The following MBOAT7 variants were observed in gnomAD, a reference collection of about 807,000 sequenced individuals.
The protein encoded by MBOAT7 is membrane bound acylglycerophosphatidylinositol O-acyltransferase MBOAT7.
In MBOAT7, 40 loss-of-function variants were observed where a neutral mutation model predicts 47.4. That is an observed-to-expected ratio of 0.84 (90% CI 0.66 to 1.10). The LOEUF is 1.10. Among genes scored for constraint, MBOAT7 ranks in the 50% least tolerant of loss-of-function variants. The pLI is 0.00. For missense variants in MBOAT7, 680 were observed against 655.6 expected (o/e 1.04, Z -0.41); for synonymous variants, 361 against 292.0 (o/e 1.24, Z -2.41).
intron 6 of MBOAT7, 74 bp from the exon 7 acceptor site, chr19:54,179,015 C>A: frequency 2.6e-6 from 4 of 1,554,638 alleles, no homozygotes; most frequent in Non-Finnish European, 3.5e-6. Context: ...CTGCTAGTGT[C>A]CCAGCCCCGG....
In MBOAT7 at chr19:54,178,205, C is replaced by T. The variant is rs539457301; in HGVS notation, c.1031+560G>A. On this transcript the variant is annotated intron_variant, in intron 7 of 7. Coordinates refer to ENST00000245615, the MANE Select transcript of MBOAT7 (RefSeq NM_024298.5). ...GATTCCAGGCGTGAGCTGCCGCACC[C>T]GGCTGAGTTTCTGCTTCTAAAGGCT... The T allele has an allele frequency of 5.1e-6, 5 of 986,622 alleles. No individual in the cohort carries two copies. In the South Asian group the frequency reaches 1.4e-4, roughly 28 times the overall value. 61.1% of individuals were successfully genotyped at this position (986,622 alleles called of 1,614,324 possible).
intron 7 of MBOAT7, among the ~76,000 whole-genome samples, chr19:54,175,896 T>C (rs1023252806): frequency 7.2e-5 from 11 of 152,348 alleles, no homozygotes; most frequent in African/African-American, 2.6e-4. Flanking sequence ...GGCTAATTTT[T>C]GTATTTCTGG....
chr19:54,183,702 AG>A (rs749277829), intron 4 of MBOAT7, 22 bp from the exon 5 acceptor site: 1 of 1,527,592 alleles, frequency 6.5e-7, no homozygotes, highest in Non-Finnish European at 8.8e-7. Flanking sequence ...GGGGTGGGCA[AG>A]GGGCCAGGTC....
rs2076401872 is a variant in MBOAT7, at chr19:54,185,385, A to G, written c.334-1705T>C. Among the ~76,000 whole-genome samples, 5 of 152,038 alleles carry G rather than the reference A, an allele frequency of 3.3e-5. No individual in the cohort carries two copies. The South Asian group carries it at 8.3e-4, about 25-fold the overall frequency. On this transcript the variant is annotated intron_variant, in intron 4 of 7. Coordinates refer to ENST00000245615, the MANE Select transcript of MBOAT7 (RefSeq NM_024298.5). ...TACACAACCCTTTTTCCATCCAGGT[A>G]CCACAACCTGACCCATTTCCCCTGG...
intron 3 of MBOAT7, 101 bp downstream of exon 3, chr19:54,188,116 A>G: frequency 8.8e-7 from 1 of 1,136,382 alleles, no homozygotes; most frequent in Non-Finnish European, 1.2e-6. Context: ...TCAACAAGAG[A>G]CAGCTAGACA....
At chr19:54,175,733 T>C (rs1032270606) in intron 7 of MBOAT7, among the ~76,000 whole-genome samples, 2 of 152,062 alleles carry the variant, frequency 1.3e-5, no homozygotes, top group Admixed American at 6.6e-5. Context: ...TATTTTTTGT[T>C]GTTGTTGTTC....
intron 5 of MBOAT7, among the ~76,000 whole-genome samples, chr19:54,182,631 ATT>A (rs1478973077): frequency 6.6e-6 from 1 of 151,940 alleles, no homozygotes; most frequent in Non-Finnish European, 1.5e-5. Flanking sequence ...AATGAAAAAT[ATT>A]TTCTTTTTAA....
chr19:54,175,384 G>C (rs947799866), intron 7 of MBOAT7, among the ~76,000 whole-genome samples: 1 of 152,132 alleles, frequency 6.6e-6, no homozygotes, highest in Admixed American at 6.5e-5. Context: ...CAGAAGCCCT[G>C]GGGGTGGGGC....
rs776417600 is a variant in MBOAT7 at position 54,188,190 on chromosome 19, C to T, written c.206+27G>A. The stretch of plus-strand genomic sequence containing the variant: ...TTGCTTCCCCCTCTCCCCTCCTCTC[C>T]CTCTCCTCCCTCCACCAAATTCTCA... On this transcript the variant is annotated intron_variant, in intron 3 of 7. Transcript: ENST00000245615. The T allele has an allele frequency of 2.7e-5, 43 of 1,576,320 alleles. 1 individual carries two copies. In the South Asian group the frequency reaches 5.0e-4, roughly 18 times the overall value.
intron 6 of MBOAT7, 149 bp from the exon 7 acceptor site, chr19:54,179,090 G>A (rs986366713): frequency 2.6e-6 from 3 of 1,152,966 alleles, no homozygotes; most frequent in African/African-American, 1.5e-5. Flanking sequence ...AGGGCAGCAA[G>A]GGAGGGTGGC....
chr19:54,179,186 A>C (rs2076200241), intron 6 of MBOAT7: 7 of 572,780 alleles, frequency 1.2e-5, no homozygotes, highest in Admixed American at 9.8e-5. Flanking sequence ...TTGGTACCTA[A>C]TGGGGCCCGC....
intron 1 of MBOAT7, among the ~76,000 whole-genome samples, chr19:54,188,751 G>A (rs955179426): frequency 6.6e-6 from 1 of 151,866 alleles, no homozygotes; most frequent in Non-Finnish European, 1.5e-5. Flanking sequence ...CAGCTCTCCT[G>A]TCCTTGGAGA....
chr19:54,181,616 AGGG>A (rs2076272929), intron 5 of MBOAT7, among the ~76,000 whole-genome samples: 1 of 55,324 alleles, frequency 1.8e-5, no homozygotes, highest in African/African-American at 7.6e-5. Flanking sequence ...CATTCCAGCC[AGGG>A]AGGGAGGGAG....
chr19:54,174,775 C>A (rs576968637), intron 7 of MBOAT7, among the ~76,000 whole-genome samples: 1 of 152,174 alleles, frequency 6.6e-6, no homozygotes, highest in South Asian at 2.1e-4. Flanking sequence ...CCCAGGCCCT[C>A]CCCACTCAGA....
intron 4 of MBOAT7, among the ~76,000 whole-genome samples, chr19:54,184,796 C>T (rs1389981203): frequency 1.3e-4 from 20 of 150,948 alleles, no homozygotes; most frequent in Non-Finnish European, 4.4e-5. Flanking sequence ...TCCAGCTACT[C>T]AGGAGGCTGA....
chr19:54,177,139 G>A (rs1212119000), intron 7 of MBOAT7, among the ~76,000 whole-genome samples: 1 of 82,340 alleles, frequency 1.2e-5, no homozygotes, highest in Non-Finnish European at 2.5e-5. Context: ...CATCCTGGGT[G>A]ACAGAGCATC....
In MBOAT7 at chr19:54,173,961, G is replaced by A. The variant is rs1413510325; in HGVS notation, c.*83C>T. ...AATTCTCTCCAGGACCCTCTCCAAG[G>A]TAAGGACTCTTTCTGGGGAGGAGAC... is the stretch of plus-strand genomic sequence containing the variant. On this transcript the variant is annotated 3_prime_UTR_variant, in exon 8 of 8. Coordinates refer to ENST00000245615, the MANE Select transcript of MBOAT7 (RefSeq NM_024298.5). 6.9e-7 allele frequency: 1 copy of A among 1,448,910 alleles called. No homozygotes were observed. Among genetic ancestry groups the A allele is most frequent in the Admixed American group, 2.6e-5 (1 of 38,960 alleles). The allele number at this position is 1,448,910 out of a possible 1,614,324, so 89.8% of individuals were successfully genotyped here.
At chr19:54,181,167 A>C in intron 5 of MBOAT7, 34 bp from the exon 6 acceptor site, 1 of 1,451,132 alleles carries the variant, frequency 6.9e-7, no homozygotes, top group Non-Finnish European at 9.1e-7. Context: ...GCGGTCAGAC[A>C]GGCAGGTGGG....
chr19:54,186,461 GC>G (rs1337249258), intron 4 of MBOAT7, among the ~76,000 whole-genome samples: 7 of 152,204 alleles, frequency 4.6e-5, no homozygotes, highest in African/African-American at 1.7e-4. Flanking sequence ...CACGGTGTCA[GC>G]CCTGCTGCCT....
Sources: gnomAD v4.1 joint callset for allele counts (sites outside exome capture counted in the v4.1 genomes callset) on GRCh38, gnomAD v4.1.1 for gene constraint, MANE v1.5 for transcripts, NCBI Gene and HGNC (gene_info 2026-07-23, HGNC 2026-07-21) for gene names.